The following SLC23A1 variants were observed in gnomAD, a reference collection of about 807,000 sequenced individuals.
SLC23A1 encodes solute carrier family 23 member 1.
Under a neutral mutation model 62.5 loss-of-function variants are expected in SLC23A1, and 31 were observed. The ratio of observed to expected loss-of-function variants is 0.50; its 90% confidence interval spans 0.37 to 0.67. The LOEUF (loss-of-function observed/expected upper bound fraction) is 0.67, where lower values mean the gene tolerates loss of function less well. SLC23A1 is among the 30% of genes least tolerant of loss of function. The probability of loss-of-function intolerance (pLI) is 0.00; values close to 1 mark genes in which losing one functional copy is unlikely to be tolerated. For missense variants in SLC23A1, 640 were observed against 782.7 expected, an observed-to-expected ratio of 0.82 and a Z score of 2.18; for synonymous variants, 271 against 313.2, an observed-to-expected ratio of 0.87 and a Z score of 1.42.
In SLC23A1 at chr5:139,379,649, G is replaced by A. The variant is rs1197925542; in HGVS notation, c.925+29C>T. 6.3e-6 allele frequency: 10 copies of A among 1,584,870 alleles called. No homozygotes were observed. The highest frequency in any genetic ancestry group is 3.4e-5 in the South Asian group (3 of 88,560). On this transcript the variant is annotated intron_variant, in intron 8 of 14. Coordinates refer to ENST00000348729, the MANE Select transcript of SLC23A1 (RefSeq NM_005847.5). This position sits in a 1 kb window ranked among gnomAD's most constrained non-coding sequence, Gnocchi z 4.7. ...TGTCTCATAGGTGGTCTCAGTTGGGGGCAGAGGGGCCCAAGGGGTGTTGCT... is the reference window on the plus strand; with the variant it reads ...TGTCTCATAGGTGGTCTCAGTTGGGAGCAGAGGGGCCCAAGGGGTGTTGCT...
In SLC23A1 at chr5:139,379,367, G is replaced by A. The variant is rs376791961; in HGVS notation, c.926-13C>T. ...AGGCCCCACTGACCTGTGCTCGGAGGGAGACAGGATGGTGGCTACAGTGAG... is the reference window on the plus strand; with the variant it reads ...AGGCCCCACTGACCTGTGCTCGGAGAGAGACAGGATGGTGGCTACAGTGAG... On this transcript the variant is annotated splice_polypyrimidine_tract_variant and intron_variant, in intron 8 of 14. Transcript: ENST00000348729. The surrounding 1 kb of genome is among the most constrained non-coding windows in gnomAD (Gnocchi z 4.7). The A allele has an allele frequency of 1.2e-6, 2 of 1,613,692 alleles. No individual in the cohort carries two copies. The highest frequency in any genetic ancestry group is 1.7e-6 in the Non-Finnish European group (2 of 1,179,696).
intron 14 of SLC23A1, chr5:139,369,499 C>CATT (rs10658847): frequency 1 from 152,575 of 152,718 alleles, 76,216 homozygotes; most frequent in Middle Eastern, 1. Flanking sequence ...GATACTGTAA[C>CATT]ATGATTTGAG....
Position 139,372,536 on chromosome 5 carries a change from C to G in SLC23A1, c.1550-283G>C, listed in dbSNP as rs1757723758. On this transcript the variant is annotated intron_variant, in intron 13 of 14. Transcript: ENST00000348729. ...CATTATCTTGTTTCTTGAAAACATA[C>G]CCCTGGGAGATGTATAGACACCATT... Among the ~76,000 whole-genome samples the G allele has an allele frequency of 3.3e-5, 5 of 152,200 alleles. 1 individual carries two copies. Among genetic ancestry groups the G allele is most frequent in the Middle Eastern group, 6.8e-3 (2 of 294 alleles).
chr5:139,375,840 A>AG (rs1238400332), intron 13 of SLC23A1, among the ~76,000 whole-genome samples: 17 of 149,994 alleles, frequency 1.1e-4, no homozygotes. Flanking sequence ...CATCTCAAAA[A>AG]AAAAAAATTG....
Position 139,378,762 on chromosome 5 carries a change from C to T in SLC23A1, c.1074-78G>A, listed in dbSNP as rs1291915609. On this transcript the variant is annotated intron_variant, in intron 9 of 14. Coordinates refer to ENST00000348729, the MANE Select transcript of SLC23A1 (RefSeq NM_005847.5). The surrounding 1 kb of genome is among the most constrained non-coding windows in gnomAD (Gnocchi z 4.5). ...TTCCCCCATCATCTTAGCAAGCTGC[C>T]GTCCTCTGGGGCTGTGGGGGCTGCA... 4 of 1,109,000 alleles carry T rather than the reference C, an allele frequency of 3.6e-6. No homozygotes were observed. Among genetic ancestry groups the T allele is most frequent in the Admixed American group, 4.0e-5 (2 of 50,044 alleles). The allele number at this position is 1,109,000 out of a possible 1,614,324, so 68.7% of individuals were successfully genotyped here. A position where few individuals can be genotyped will look rare whatever the true frequency, so the allele number is the denominator to read the frequency against.
chr5:139,385,426 GC>G (rs1278525571), upstream of SLC23A1, among the ~76,000 whole-genome samples: 1 of 152,140 alleles, frequency 6.6e-6, no homozygotes, highest in Admixed American at 6.5e-5. Flanking sequence ...ATCCATACCA[GC>G]TGGGGTCAAA....
chr5:139,380,952 G>T, intron 3 of SLC23A1, 66 bp from the exon 4 acceptor site: 1 of 770,828 alleles, frequency 1.3e-6, no homozygotes, highest in Non-Finnish European at 2.2e-6. Context: ...TAAAGATGCG[G>T]GGAGAGATCA....
In SLC23A1 at chr5:139,380,153, A is replaced by G. The variant is rs77951396; in HGVS notation, c.647+55T>C. ...GGAGCCGGGAAGAAGGACCAAGGACATGAAGAGGGTAGGGTGCTGGGGCTG... is the reference window on the plus strand; with the variant it reads ...GGAGCCGGGAAGAAGGACCAAGGACGTGAAGAGGGTAGGGTGCTGGGGCTG... On this transcript the variant is annotated intron_variant, in intron 6 of 14. Coordinates refer to ENST00000348729, the MANE Select transcript of SLC23A1 (RefSeq NM_005847.5). The G allele has an allele frequency of 5.8e-5, 90 of 1,561,210 alleles. 2 individuals carry two copies. In the South Asian group the frequency reaches 8.2e-4, roughly 14 times the overall value.
Position 139,378,156 on chromosome 5 carries a change from G to T in SLC23A1, c.1310-38C>A, listed in dbSNP as rs758082980. The T allele has an allele frequency of 2.5e-6, 4 of 1,613,722 alleles. No individual in the cohort carries two copies. Among genetic ancestry groups the T allele is most frequent in the Non-Finnish European group, 3.4e-6 (4 of 1,179,866 alleles). On this transcript the variant is annotated intron_variant, in intron 11 of 14. Coordinates refer to ENST00000348729, the MANE Select transcript of SLC23A1 (RefSeq NM_005847.5). The surrounding 1 kb of genome is among the most constrained non-coding windows in gnomAD (Gnocchi z 4.5). ...GAGAACGGCTGGAGGCGCCGCACACGCGTAATCCAGGTGAGTCCCACTCGG... is the reference window on the plus strand; with the variant it reads ...GAGAACGGCTGGAGGCGCCGCACACTCGTAATCCAGGTGAGTCCCACTCGG...
intron 13 of SLC23A1, among the ~76,000 whole-genome samples, chr5:139,374,437 A>G (rs1218406902): frequency 2.0e-5 from 3 of 152,244 alleles, no homozygotes; most frequent in Non-Finnish European, 2.9e-5. Context: ...ACTCCGTCTC[A>G]AAAACAAAAC....
chr5:139,384,598 C>T, upstream of SLC23A1: 1 of 1,264,932 alleles, frequency 7.9e-7, no homozygotes, highest in Non-Finnish European at 1.0e-6. Flanking sequence ...AACTTCTCCT[C>T]CCAGAACTCC....
upstream of SLC23A1, chr5:139,384,273 C>T (rs1273267586): frequency 3.8e-6 from 4 of 1,061,660 alleles, no homozygotes; most frequent in Admixed American, 7.3e-5. Context: ...AACTCAGGCT[C>T]CTCAGCTGGT....
At chr5:139,376,951 A>G (rs184432820) in intron 13 of SLC23A1, among the ~76,000 whole-genome samples, 37 of 152,138 alleles carry the variant, frequency 2.4e-4, no homozygotes, top group Admixed American at 1.9e-3. Flanking sequence ...GTGAAACCCC[A>G]TCTCTACCAA....
At chr5:139,374,373 G>T (rs1009947941) in intron 13 of SLC23A1, among the ~76,000 whole-genome samples, 1 of 152,198 alleles carries the variant, frequency 6.6e-6, no homozygotes, top group African/African-American at 2.4e-5. Context: ...GTGTGAACCT[G>T]GGAGGCACAG....
Position 139,378,277 on chromosome 5 carries a change from G to T in SLC23A1, c.1254C>A (p.Ala418=). The T allele has an allele frequency of 6.2e-7, 1 of 1,605,500 alleles. No individual in the cohort carries two copies. The highest frequency in any genetic ancestry group is 1.1e-5 in the South Asian group (1 of 89,756). The part of the protein sequence containing the change: ...LVLGTIGKFT[A]LFASLPDPIL... ...TGGGGTCAGGGAGCGAGGCGAAGAG[G>T]GCCGTGAACTTGCCGATGGTGCCCA... The change falls in exon 11 of 15, where the codon GCC becomes GCA. Residue 418 remains alanine, a synonymous_variant. Coordinates refer to ENST00000348729, the MANE Select transcript of SLC23A1 (RefSeq NM_005847.5). The surrounding 1 kb of genome is among the most constrained non-coding windows in gnomAD (Gnocchi z 4.5).
In SLC23A1 at chr5:139,373,537, A is replaced by G. The variant is rs185836480; in HGVS notation, c.1550-1284T>C. ...GTGGGGCAGGGTCACATGAGATCTC[A>G]GGTTTTCACAAGAGGGCTGGGATCG... On this transcript the variant is annotated intron_variant, in intron 13 of 14. Coordinates refer to ENST00000348729, the MANE Select transcript of SLC23A1 (RefSeq NM_005847.5). Among the ~76,000 whole-genome samples the G allele has an allele frequency of 2.7e-3, 408 of 152,210 alleles. 8 individuals carry two copies. Among genetic ancestry groups the G allele is most frequent in the Non-Finnish European group, 1.7e-3 (115 of 67,998 alleles).
chr5:139,372,773 C>T (rs1379866460), intron 13 of SLC23A1, among the ~76,000 whole-genome samples: 10 of 151,894 alleles, frequency 6.6e-5, no homozygotes, highest in East Asian at 5.8e-4. Context: ...TTAGTAGAGA[C>T]GGGGTGTCAC....
At position 139,378,655 on chromosome 5, in the gene SLC23A1, A is replaced by T. The variant is rs1428314735; in HGVS notation, c.1103T>A (p.Ile368Asn). 1.2e-6 allele frequency: 2 copies of T among 1,611,630 alleles called. No individual in the cohort carries two copies. The highest frequency in any genetic ancestry group is 1.7e-6 in the Non-Finnish European group (2 of 1,179,006). ...RGIFTEGICC[I>N]IAGLLGTGNG... ...GCCCGTGCCCAATAGCCCCGCGATG[A>T]TGCAGCAAATGCCTTCGGTGAAGAT... is the stretch of plus-strand genomic sequence containing the variant. Residue 368 changes from isoleucine (I) to asparagine (N), a missense_variant, in exon 10 of 15, where the codon ATC becomes AAC. Physicochemically the swap from Ile to Asn is moderately radical, Grantham distance 149. Coordinates refer to ENST00000348729, the MANE Select transcript of SLC23A1 (RefSeq NM_005847.5). This position sits in a 1 kb window ranked among gnomAD's most constrained non-coding sequence, Gnocchi z 4.5.
At chr5:139,374,235 C>G (rs1757831974) in intron 13 of SLC23A1, among the ~76,000 whole-genome samples, 1 of 152,228 alleles carries the variant, frequency 6.6e-6, no homozygotes, top group East Asian at 1.9e-4. Flanking sequence ...GGACTGCCCT[C>G]TAAGGTTGGG....
Sources: allele counts gnomAD v4.1 joint callset (sites outside exome capture counted in the v4.1 genomes callset), GRCh38; gene constraint gnomAD v4.1.1; non-coding constraint Gnocchi (gnomAD v3.1); transcripts MANE v1.5; gene names NCBI Gene and HGNC (gene_info 2026-07-23, HGNC 2026-07-21).